The following ZNF808 variants were observed in gnomAD, a reference collection of about 807,000 sequenced individuals.
ZNF808 encodes zinc finger protein 808.
A neutral mutation model predicts 8.7 loss-of-function variants in ZNF808; 5 were observed. That is an observed-to-expected ratio of 0.58 (90% CI 0.30 to 1.21). ZNF808 has a LOEUF of 1.21. Ranked by LOEUF, ZNF808 falls within the 50% of genes most tolerant of loss-of-function variation. ZNF808 has a pLI of 0.07. For synonymous variants in ZNF808, 380 were observed against 366.0 expected (o/e 1.04, Z -0.44); for missense variants, 1,103 against 1,098.4 (o/e 1.00, Z -0.06).
At position 52,553,997 on chromosome 19, in the gene ZNF808, C is replaced by T; in HGVS notation, c.1081C>T (p.His361Tyr). Residue 361 changes from histidine to tyrosine, a missense_variant, in exon 5 of 5, where the codon CAT becomes TAT. His to Tyr is a moderately conservative substitution (Grantham distance 83, BLOSUM62 2). Coordinates refer to ENST00000359798, the MANE Select transcript of ZNF808 (RefSeq NM_001039886.4). ...AFNQQSHLSR[H>Y]QRLHTGVKPY... is the part of the protein sequence containing the mutation. The stretch of plus-strand genomic sequence containing the variant: ...TAATCAACAATCACACCTTTCACGC[C>T]ATCAAAGACTTCATACTGGAGTGAA... 1.2e-6 allele frequency: 2 copies of T among 1,614,054 alleles called. No individual in the cohort carries two copies. The highest frequency in any genetic ancestry group is 1.7e-6 in the Non-Finnish European group (2 of 1,180,004).
At chr19:52,537,954 A>G (rs2059629313) in intron 2 of ZNF808, among the ~76,000 whole-genome samples, 1 of 147,774 alleles carries the variant, frequency 6.8e-6, no homozygotes, top group Non-Finnish European at 1.5e-5. Flanking sequence ...CCCTTTTCCC[A>G]TGGTGGGGTA....
At chr19:52,531,013 G>A (rs968931460) in intron 1 of ZNF808, among the ~76,000 whole-genome samples, 6 of 152,046 alleles carry the variant, frequency 3.9e-5, no homozygotes, top group African/African-American at 1.2e-4. Flanking sequence ...GCCAAGGGTG[G>A]TGGCATGCGT....
chr19:52,537,591 G>C (rs889647376), intron 2 of ZNF808, among the ~76,000 whole-genome samples: 12 of 151,948 alleles, frequency 7.9e-5, no homozygotes, highest in African/African-American at 2.9e-4. Flanking sequence ...TGTAGGCGGA[G>C]GCTGGAGGAT....
rs2059574675 is a variant in ZNF808, at chr19:52,533,016, G to A, written c.-20+7G>A. The stretch of plus-strand genomic sequence containing the variant: ...CCACCACACTCCAGCCTGGGTGAGT[G>A]AGCTACACCCTATCTCAAACAAACA... On this transcript the variant is annotated splice_region_variant and intron_variant, in intron 2 of 4. Transcript: ENST00000359798. The A allele has an allele frequency of 6.6e-6, 1 of 152,510 alleles. No homozygotes were observed. The highest frequency in any genetic ancestry group is 2.4e-5 in the African/African-American group (1 of 41,408). 9.4% of individuals were successfully genotyped at this position (152,510 alleles called of 1,614,324 possible).
chr19:52,561,167 T>C (rs1170706138), downstream of ZNF808, among the ~76,000 whole-genome samples: 1 of 42,248 alleles, frequency 2.4e-5, no homozygotes, highest in African/African-American at 9.6e-5. Flanking sequence ...GTTCTCTCTC[T>C]CTCTCTCTCT....
intron 4 of ZNF808, among the ~76,000 whole-genome samples, chr19:52,548,035 A>G (rs2059740629): frequency 6.6e-6 from 1 of 152,060 alleles, no homozygotes; most frequent in African/African-American, 2.4e-5. Flanking sequence ...CACCATGCCC[A>G]GCTCATTCTG....
rs779486808 is a variant in ZNF808, at chr19:52,547,470, A to C, written c.64-42A>C. 4 of 1,612,542 alleles carry C rather than the reference A, an allele frequency of 2.5e-6. No homozygotes were observed. In the African/African-American group the frequency reaches 5.3e-5, roughly 22 times the overall value. ...TCATTTCCTGTGAAGGTGATAACTC[A>C]ATCCTCCATAATGTTTTGTTGAAAT... is the stretch of plus-strand genomic sequence containing the variant. On this transcript the variant is annotated intron_variant, in intron 3 of 4. Coordinates refer to ENST00000359798, the MANE Select transcript of ZNF808 (RefSeq NM_001039886.4).
chr19:52,557,232 G>A (rs574110413), downstream of ZNF808, among the ~76,000 whole-genome samples: 1 of 150,794 alleles, frequency 6.6e-6, no homozygotes, highest in East Asian at 1.9e-4. Flanking sequence ...GCCTCCCAAG[G>A]TGCTGGGATT....
At chr19:52,544,168 AAGAG>A (rs1004155853) in intron 3 of ZNF808, among the ~76,000 whole-genome samples, 1 of 152,004 alleles carries the variant, frequency 6.6e-6, no homozygotes, top group Non-Finnish European at 1.5e-5. Context: ...CAAAAGAAAA[AAGAG>A]AGAGAGAGAA....
intron 3 of ZNF808, among the ~76,000 whole-genome samples, chr19:52,544,710 C>A (rs948636497): frequency 6.6e-6 from 1 of 152,062 alleles, no homozygotes; most frequent in Non-Finnish European, 1.5e-5. Context: ...GCCTTGATAT[C>A]CTGGCCTCAA....
chr19:52,543,353 G>A lies in ZNF808; in HGVS notation c.63+6G>A, dbSNP rs777125504. ...CAGGCATGGCTCTTCCTCAGGTGAA[G>A]TGATATTCCTCTGTGGATTAATCTG... On this transcript the variant is annotated splice_donor_region_variant and intron_variant, in intron 3 of 4. Transcript: ENST00000359798. 4 of 1,612,356 alleles carry A rather than the reference G, an allele frequency of 2.5e-6. No individual in the cohort carries two copies. Among genetic ancestry groups the A allele is most frequent in the Non-Finnish European group, 3.4e-6 (4 of 1,179,700 alleles).
At chr19:52,528,935 G>A (rs1396441059) in intron 1 of ZNF808, among the ~76,000 whole-genome samples, 6 of 151,424 alleles carry the variant, frequency 4.0e-5, no homozygotes, top group South Asian at 2.1e-4. Context: ...AGAAGGAATA[G>A]AGGGAAGAAG....
chr19:52,566,326 C>T (rs201387673), downstream of ZNF808, among the ~76,000 whole-genome samples: 2 of 151,892 alleles, frequency 1.3e-5, no homozygotes, highest in Admixed American at 6.6e-5. Flanking sequence ...TCACCATGCC[C>T]GGCTAATTCT....
intron 2 of ZNF808, chr19:52,535,844 G>A (rs1356760227): frequency 6.6e-6 from 1 of 152,238 alleles, no homozygotes; most frequent in African/African-American, 2.4e-5. Flanking sequence ...CAGGCGCTGG[G>A]TGCGAGGCGG....
Position 52,547,630 on chromosome 19 carries a change from A to T in ZNF808, c.182A>T (p.Glu61Val). The T allele has an allele frequency of 6.2e-7, 1 of 1,612,514 alleles. No individual in the cohort carries two copies. Among genetic ancestry groups the T allele is most frequent in the Non-Finnish European group, 8.5e-7 (1 of 1,179,176 alleles). ...EVMLENYRNL[E>V]AVDISSKHMM... ...ATGTTGGAGAACTACAGGAACCTGG[A>T]GGCTGTGGGTGAGGAAAATGTCCCT... Residue 61 changes from glutamate (E) to valine (V), a missense_variant, in exon 4 of 5, where the codon GAG becomes GTG. Coordinates refer to ENST00000359798, the MANE Select transcript of ZNF808 (RefSeq NM_001039886.4).
chr19:52,560,581 A>C (rs765764109), downstream of ZNF808, among the ~76,000 whole-genome samples: 16 of 152,166 alleles, frequency 1.1e-4, no homozygotes, highest in Non-Finnish European at 1.9e-4. Flanking sequence ...ATCAGAGGCC[A>C]TTTTACCTAA....
exon 4 of ZNF808, chr19:52,564,063 T>A (rs1004766173): frequency 1.6e-6 from 1 of 624,650 alleles, no homozygotes; most frequent in Non-Finnish European, 3.0e-6. Context: ...TGTGCTTGAC[T>A]CCACTTCTTG....
rs543212488 is a variant in ZNF808 at position 52,555,488 on chromosome 19, C to T, written c.2572C>T (p.Arg858Cys). The change falls in exon 5 of 5, where the codon CGC (arginine) becomes TGC (cysteine). Residue 858 changes from arginine to cysteine, a missense_variant. Coordinates refer to ENST00000359798, the MANE Select transcript of ZNF808 (RefSeq NM_001039886.4). ...TGAAGCATGTGACAAAGTTTTCAGTCGCAAATCACACCTTAAAAGACATAG... is the reference window on the plus strand; with the variant it reads ...TGAAGCATGTGACAAAGTTTTCAGTTGCAAATCACACCTTAAAAGACATAG... ...KCEACDKVFS[R>C]KSHLKRHRII... 3.3e-5 allele frequency: 53 copies of T among 1,613,740 alleles called. No individual in the cohort carries two copies. The highest frequency in any genetic ancestry group is 3.3e-4 in the Middle Eastern group (2 of 6,082).
chr19:52,554,565 G>C lies in ZNF808; in HGVS notation c.1649G>C (p.Arg550Pro). ...ACGGTTTGTAACAAGGTTTTCATGC[G>C]TAATTCAGTCCTGGCTGTACATACT... ...KCTVCNKVFM[R>P]NSVLAVHTRI... is the part of the protein sequence containing the mutation. Residue 550 changes from arginine (R) to proline (P), a missense_variant, in exon 5 of 5, where the codon CGT (arginine) becomes CCT (proline). Arg to Pro is a moderately radical substitution (Grantham distance 103). Coordinates refer to ENST00000359798, the MANE Select transcript of ZNF808 (RefSeq NM_001039886.4). 2 of 1,613,704 alleles carry C rather than the reference G, an allele frequency of 1.2e-6. No individual in the cohort carries two copies. Among genetic ancestry groups the C allele is most frequent in the African/African-American group, 1.3e-5 (1 of 75,032 alleles).
Sources: allele counts gnomAD v4.1 joint callset (sites outside exome capture counted in the v4.1 genomes callset), GRCh38; gene constraint gnomAD v4.1.1; transcripts MANE v1.5; gene names NCBI Gene and HGNC (gene_info 2026-07-23, HGNC 2026-07-21).